The following TBL1XR1 variants were observed in gnomAD, a reference collection of about 807,000 sequenced individuals.
TBL1XR1 encodes TBL1X/Y related 1.
TBL1XR1 carries 5 observed loss-of-function variants against 66.9 expected under a neutral mutation model. That is an observed-to-expected ratio of 0.07 (90% CI 0.04 to 0.16). The LOEUF is 0.16. Among genes scored for constraint, TBL1XR1 ranks in the 10% least tolerant of loss-of-function variants. The probability of loss-of-function intolerance (pLI) is 1.00; values close to 1 mark genes in which losing one functional copy is unlikely to be tolerated. For missense variants in TBL1XR1, 238 were observed against 623.2 expected (o/e 0.38, Z 6.58); for synonymous variants, 210 against 206.0 (o/e 1.02, Z -0.17).
chr3:177,091,792 A>C (rs1722873454), intron 2 of TBL1XR1, among the ~76,000 whole-genome samples: 1 of 152,198 alleles, frequency 6.6e-6, no homozygotes, highest in Admixed American at 6.5e-5. Context: ...GGTAAATAAA[A>C]GAAAGAATCA....
At chr3:177,136,951 T>C (rs766785007) in intron 1 of TBL1XR1, among the ~76,000 whole-genome samples, 1 of 152,190 alleles carries the variant, frequency 6.6e-6, no homozygotes, top group Non-Finnish European at 1.5e-5. Flanking sequence ...TCCTCCAATA[T>C]ATACGGTCTC....
At chr3:177,196,742 C>CCT (rs1553765737) in intron 1 of TBL1XR1, among the ~76,000 whole-genome samples, 3 of 151,296 alleles carry the variant, frequency 2.0e-5, no homozygotes, top group Admixed American at 1.3e-4. Flanking sequence ...GCCTCCCCCC[C>CCT]CAAACACACA....
At chr3:177,062,064 C>T (rs931670593) in intron 3 of TBL1XR1, among the ~76,000 whole-genome samples, 4 of 152,046 alleles carry the variant, frequency 2.6e-5, no homozygotes, top group African/African-American at 9.7e-5. Context: ...TTTCTGGATG[C>T]AATTTCAAAT....
chr3:177,095,154 G>A (rs1186838136), intron 2 of TBL1XR1, among the ~76,000 whole-genome samples: 5 of 151,946 alleles, frequency 3.3e-5, no homozygotes, highest in African/African-American at 1.2e-4. Flanking sequence ...CCTATATGAG[G>A]TATCTAGCAA....
intron 1 of TBL1XR1, among the ~76,000 whole-genome samples, chr3:177,186,455 A>G (rs562048679): frequency 6.6e-6 from 1 of 152,200 alleles, no homozygotes; most frequent in African/African-American, 2.4e-5. Context: ...TATTTCAGAA[A>G]CCCAAAGTAG....
intron 1 of TBL1XR1, among the ~76,000 whole-genome samples, chr3:177,133,914 ACTATATATTGGACGT>A (rs1462635025): frequency 1.3e-5 from 2 of 149,448 alleles, no homozygotes; most frequent in Non-Finnish European, 3.0e-5. Flanking sequence ...CCATGTTAAC[ACTATATATTGGACGT>A]CTGTTGTTTT....
intron 1 of TBL1XR1, among the ~76,000 whole-genome samples, chr3:177,110,278 G>A (rs1167579313): frequency 6.6e-6 from 1 of 152,126 alleles, no homozygotes; most frequent in Non-Finnish European, 1.5e-5. Flanking sequence ...GTTTTTCCAA[G>A]ACACATGATA....
intron 15 of TBL1XR1, among the ~76,000 whole-genome samples, chr3:177,025,768 C>A (rs546953012): frequency 3.3e-5 from 5 of 152,286 alleles, no homozygotes; most frequent in Non-Finnish European, 1.5e-5. Flanking sequence ...TTTATACTCT[C>A]TGTTGATTAA....
chr3:177,160,007 G>A (rs1199866284), intron 1 of TBL1XR1, among the ~76,000 whole-genome samples: 1 of 152,146 alleles, frequency 6.6e-6, no homozygotes, highest in Non-Finnish European at 1.5e-5. Flanking sequence ...TGAAGAGCAA[G>A]GCTAGACAGC....
intron 1 of TBL1XR1, among the ~76,000 whole-genome samples, chr3:177,181,338 G>C (rs548326844): frequency 6.6e-6 from 1 of 152,082 alleles, no homozygotes; most frequent in Admixed American, 6.6e-5. Flanking sequence ...AAATTAGCCA[G>C]GTGTGGTGGC....
At chr3:177,196,237 A>G (rs1736828113) in intron 1 of TBL1XR1, 1 of 152,168 alleles carries the variant, frequency 6.6e-6, no homozygotes, top group South Asian at 2.1e-4. Flanking sequence ...TCTGTTCAAA[A>G]AATTAAATCG....
At chr3:177,162,057 T>G (rs1048811801) in intron 1 of TBL1XR1, among the ~76,000 whole-genome samples, 2 of 152,220 alleles carry the variant, frequency 1.3e-5, no homozygotes, top group African/African-American at 4.8e-5. Flanking sequence ...TAGCAGTTTC[T>G]AAAGTTAAAC....
chr3:177,047,290 G>A lies in TBL1XR1; in HGVS notation c.864+10C>T. On this transcript the variant is annotated intron_variant, in intron 9 of 15. Coordinates refer to ENST00000457928, the MANE Select transcript of TBL1XR1 (RefSeq NM_024665.7). Reference sequence around the variant, plus strand: ...TACATTTGCCTTTACAGAACTTAATGAGCTTTTACCTTGTCTACTCCAGCA... The same window carrying A: ...TACATTTGCCTTTACAGAACTTAATAAGCTTTTACCTTGTCTACTCCAGCA... 6.5e-7 allele frequency: 1 copy of A among 1,546,912 alleles called. No individual in the cohort carries two copies. Among genetic ancestry groups the A allele is most frequent in the Non-Finnish European group, 8.7e-7 (1 of 1,145,396 alleles).
intron 1 of TBL1XR1, among the ~76,000 whole-genome samples, chr3:177,125,101 TTTC>T (rs549958806): frequency 8.3e-4 from 127 of 152,116 alleles, no homozygotes; most frequent in African/African-American, 3.0e-3. Flanking sequence ...AACATTTTCA[TTTC>T]AAAAGACAAC....
intron 7 of TBL1XR1, chr3:177,048,007 G>A (rs1271543365): frequency 6.4e-6 from 1 of 156,824 alleles, no homozygotes; most frequent in East Asian, 1.8e-4. Context: ...CGAAGTGTGT[G>A]GGTATGATCC....
chr3:177,192,325 G>C (rs372716816), intron 1 of TBL1XR1, among the ~76,000 whole-genome samples: 18 of 151,022 alleles, frequency 1.2e-4, no homozygotes, highest in African/African-American at 3.7e-4. Flanking sequence ...CGAGGTTGCA[G>C]TAAGAGGAGA....
chr3:177,072,091 T>C (rs1246065002), intron 2 of TBL1XR1, among the ~76,000 whole-genome samples: 1 of 152,326 alleles, frequency 6.6e-6, no homozygotes. Flanking sequence ...TATTTCTTAA[T>C]AGAATAGTAC....
intron 1 of TBL1XR1, among the ~76,000 whole-genome samples, chr3:177,184,269 T>A (rs996742708): frequency 6.6e-6 from 1 of 152,218 alleles, no homozygotes; most frequent in African/African-American, 2.4e-5. Context: ...CATCTAAGTT[T>A]GTAAGTCATG....
intron 3 of TBL1XR1, among the ~76,000 whole-genome samples, chr3:177,061,185 A>C: frequency 6.6e-6 from 1 of 152,222 alleles, no homozygotes; most frequent in East Asian, 1.9e-4. Flanking sequence ...TGTCCATCAA[A>C]TATTTGAGGC....
Sources: allele counts gnomAD v4.1 joint callset (sites outside exome capture counted in the v4.1 genomes callset), GRCh38; gene constraint gnomAD v4.1.1; transcripts MANE v1.5; gene names NCBI Gene and HGNC (gene_info 2026-07-23, HGNC 2026-07-21).